Variants in SPOCK1 observed in about 807,000 individuals in gnomAD.
SPOCK1 encodes the protein SPARC (osteonectin), cwcv and kazal like domains proteoglycan 1, also known as testican-1.
In SPOCK1, 23 loss-of-function variants were observed where a neutral mutation model predicts 55.3. The ratio of observed to expected loss-of-function variants is 0.42; its 90% CI spans 0.30 to 0.59. The LOEUF (loss-of-function observed/expected upper bound fraction) is 0.59, where lower values mean the gene tolerates loss of function less well. Among genes scored for constraint, SPOCK1 ranks in the 20% least tolerant of loss-of-function variants. The pLI, the probability that SPOCK1 is intolerant of heterozygous loss-of-function variation, is 0.22. For synonymous variants in SPOCK1, 226 were observed against 221.0 expected (o/e 1.02, Z -0.20); for missense variants, 499 against 552.5 (o/e 0.90, Z 0.97).
intron 2 of SPOCK1, among the ~76,000 whole-genome samples, chr5:137,282,589 C>A (rs570816640): frequency 1.3e-5 from 2 of 152,314 alleles, no homozygotes; most frequent in East Asian, 3.9e-4. Context: ...ATAAAGCAAA[C>A]AGAAATGTTT....
chr5:137,209,712 G>A (rs1378076993), intron 3 of SPOCK1, among the ~76,000 whole-genome samples: 1 of 152,078 alleles, frequency 6.6e-6, no homozygotes, highest in East Asian at 1.9e-4. Flanking sequence ...GCCTAACAAT[G>A]GCCAGGAAAG....
intron 3 of SPOCK1, among the ~76,000 whole-genome samples, chr5:137,244,628 A>T (rs994736314): frequency 1.2e-4 from 18 of 152,208 alleles, no homozygotes; most frequent in Non-Finnish European, 2.5e-4. Context: ...ATCCCACCAG[A>T]CGACAGAGTC....
At chr5:137,036,435 T>C (rs1751885443) in intron 6 of SPOCK1, among the ~76,000 whole-genome samples, 1 of 147,186 alleles carries the variant, frequency 6.8e-6, no homozygotes, top group East Asian at 1.9e-4. Flanking sequence ...CTCCCTAAGC[T>C]CTCTCTACTT....
intron 3 of SPOCK1, among the ~76,000 whole-genome samples, chr5:137,243,232 T>C (rs1204997554): frequency 1.3e-5 from 2 of 152,290 alleles, no homozygotes; most frequent in Non-Finnish European, 1.5e-5. Flanking sequence ...TAACAGCTAA[T>C]ACCTGGGGAA....
At position 137,273,991 on chromosome 5, in the gene SPOCK1, T is replaced by C. The variant is rs556841862; in HGVS notation, c.187-6936A>G. Among the ~76,000 whole-genome samples, 5 of 152,320 alleles carry C rather than the reference T, an allele frequency of 3.3e-5. No homozygotes were observed. In the East Asian group the frequency reaches 9.7e-4, roughly 29 times the overall value. ...ACCAACACAAAGAGCTCCCTCTTCT[T>C]AGGGACTTTCTGTCTGTCCTGGTCA... On this transcript the variant is annotated intron_variant, in intron 2 of 10. Transcript: ENST00000394945.
At chr5:137,495,491 G>A (rs763600374) in intron 2 of SPOCK1, among the ~76,000 whole-genome samples, 3 of 152,226 alleles carry the variant, frequency 2.0e-5, no homozygotes, top group Non-Finnish European at 4.4e-5. Flanking sequence ...AAGTCAGGAG[G>A]AAGGCAAGAA....
At chr5:137,441,970 G>C (rs1228466382) in intron 2 of SPOCK1, among the ~76,000 whole-genome samples, 2 of 152,166 alleles carry the variant, frequency 1.3e-5, no homozygotes, top group African/African-American at 4.8e-5. Context: ...AAAGGCCACA[G>C]GGTGTTTGAT....
At chr5:137,355,771 T>TC (rs1419390381) in intron 2 of SPOCK1, among the ~76,000 whole-genome samples, 1 of 151,852 alleles carries the variant, frequency 6.6e-6, no homozygotes, top group East Asian at 1.9e-4. Context: ...CCCTCATGCC[T>TC]CCCCCTCTCC....
At chr5:137,270,713 G>T (rs1318776582) in intron 2 of SPOCK1, among the ~76,000 whole-genome samples, 2 of 152,178 alleles carry the variant, frequency 1.3e-5, no homozygotes, top group African/African-American at 4.8e-5. Flanking sequence ...CTCATGAAAA[G>T]TTGACATGGC....
intron 2 of SPOCK1, among the ~76,000 whole-genome samples, chr5:137,478,529 A>G (rs918344429): frequency 6.6e-6 from 1 of 152,168 alleles, no homozygotes; most frequent in Non-Finnish European, 1.5e-5. Context: ...TGACCCAATA[A>G]AATGTTTGTT....
At chr5:137,322,229 A>C (rs1354987097) in intron 2 of SPOCK1, among the ~76,000 whole-genome samples, 1 of 152,056 alleles carries the variant, frequency 6.6e-6, no homozygotes, top group Non-Finnish European at 1.5e-5. Flanking sequence ...GCTACTCAGG[A>C]GACTGAGGTA....
intron 2 of SPOCK1, among the ~76,000 whole-genome samples, chr5:137,452,070 G>A (rs1528964): frequency 0.045 from 6,822 of 152,224 alleles, 490 homozygotes; most frequent in African/African-American, 0.15. Context: ...CAGGTTGATG[G>A]CCAAAAAGTT....
intron 6 of SPOCK1, among the ~76,000 whole-genome samples, chr5:137,064,998 C>A (rs1752470028): frequency 6.6e-6 from 1 of 152,098 alleles, no homozygotes; most frequent in Admixed American, 6.6e-5. Context: ...GAGGCCGAGG[C>A]AGGAGGACTG....
At chr5:137,123,086 A>G (rs1356544349) in intron 4 of SPOCK1, among the ~76,000 whole-genome samples, 2 of 152,216 alleles carry the variant, frequency 1.3e-5, no homozygotes, top group Non-Finnish European at 1.5e-5. Context: ...ACCATTCCCC[A>G]TAAGACATTA....
intron 3 of SPOCK1, among the ~76,000 whole-genome samples, chr5:137,182,623 C>A (rs1296354673): frequency 2.6e-5 from 4 of 152,144 alleles, no homozygotes; most frequent in African/African-American, 9.7e-5. Context: ...CACACTAAAC[C>A]TCTGGGTCAG....
At chr5:137,361,892 C>G (rs1172830287) in intron 2 of SPOCK1, among the ~76,000 whole-genome samples, 3 of 152,182 alleles carry the variant, frequency 2.0e-5, no homozygotes, top group African/African-American at 7.2e-5. Context: ...TTTAGGAGCT[C>G]CTGCCTCTCC....
At chr5:137,475,503 A>T (rs891945608) in intron 2 of SPOCK1, among the ~76,000 whole-genome samples, 110 of 152,320 alleles carry the variant, frequency 7.2e-4, no homozygotes, top group African/African-American at 2.6e-3. Context: ...ATTAATGTTA[A>T]ATTTCTTAGG....
At chr5:137,293,713 TC>T (rs1341335384) in intron 2 of SPOCK1, among the ~76,000 whole-genome samples, 39 of 152,318 alleles carry the variant, frequency 2.6e-4, no homozygotes, top group African/African-American at 9.1e-4. Context: ...GGCAGCGCCA[TC>T]CAATAAAACT....
intron 6 of SPOCK1, among the ~76,000 whole-genome samples, chr5:137,026,869 C>T (rs1220120289): frequency 1.3e-5 from 2 of 152,148 alleles, no homozygotes; most frequent in East Asian, 3.9e-4. Flanking sequence ...TTTATTCATT[C>T]GTTTGATAAA....
Sources: gnomAD v4.1 joint callset for allele counts (sites outside exome capture counted in the v4.1 genomes callset) on GRCh38, gnomAD v4.1.1 for gene constraint, MANE v1.5 for transcripts, NCBI Gene and HGNC (gene_info 2026-07-23, HGNC 2026-07-21) for gene names.